ADAMTS2: variants seen among roughly 807,000 people sequenced by gnomAD.
ADAMTS2 encodes the protein A disintegrin and metalloproteinase with thrombospondin motifs 2.
A neutral mutation model predicts 123.0 loss-of-function variants in ADAMTS2; 50 were observed. The observed-to-expected ratio is 0.41, with a 90% confidence interval of 0.32 to 0.51. The LOEUF (loss-of-function observed/expected upper bound fraction) is 0.51, where lower values mean the gene tolerates loss of function less well. Ranked by LOEUF, ADAMTS2 falls within the 20% of genes least tolerant of loss-of-function variation. ADAMTS2 has a pLI of 0.35. For missense variants in ADAMTS2, 1,494 were observed against 1,705.2 expected, an observed-to-expected ratio of 0.88 and a Z score of 2.18; for synonymous variants, 678 against 695.4, an observed-to-expected ratio of 0.98 and a Z score of 0.39.
intron 4 of ADAMTS2, among the ~76,000 whole-genome samples, chr5:179,184,104 G>A (rs1166816833): frequency 2.0e-5 from 3 of 152,194 alleles, no homozygotes; most frequent in Non-Finnish European, 4.4e-5. Flanking sequence ...CAAGCGGAAT[G>A]AGACAAAGGC....
rs377372045 is a variant in ADAMTS2, at chr5:179,155,037, G to A, written c.1133-118C>T. On this transcript the variant is annotated intron_variant, in intron 6 of 21. Transcript: ENST00000251582. The surrounding 1 kb of genome is among the most constrained non-coding windows in gnomAD (Gnocchi z 5.1). ...GGCCCCAATGCCCTCTCTACCACAG[G>A]CAACTGCCCCCGGCTGGCACAGCTC... 3.0e-4 allele frequency: 269 copies of A among 885,258 alleles called. No individual in the cohort carries two copies. In the African/African-American group the frequency reaches 3.9e-3, roughly 13 times the overall value. 54.8% of individuals were successfully genotyped at this position (885,258 alleles called of 1,614,324 possible).
chr5:179,153,909 G>T, intron 8 of ADAMTS2, 140 bp downstream of exon 8: 1 of 1,248,974 alleles, frequency 8.0e-7, no homozygotes, highest in Non-Finnish European at 1.1e-6. Context: ...TCACAGGTGT[G>T]CCCTCTCTCC....
At chr5:179,322,685 C>T (rs767632964) in intron 2 of ADAMTS2, among the ~76,000 whole-genome samples, 5 of 152,212 alleles carry the variant, frequency 3.3e-5, no homozygotes, top group South Asian at 2.1e-4. Context: ...GGGCACTAGA[C>T]GAGGGCCTCG....
At chr5:179,268,471 A>G (rs1201162735) in intron 3 of ADAMTS2, among the ~76,000 whole-genome samples, 2 of 152,168 alleles carry the variant, frequency 1.3e-5, no homozygotes, top group Non-Finnish European at 2.9e-5. Context: ...TGAAACAGAG[A>G]CCACATGCTC....
intron 3 of ADAMTS2, among the ~76,000 whole-genome samples, chr5:179,229,402 C>T: frequency 2.1e-5 from 1 of 48,624 alleles, no homozygotes; most frequent in Non-Finnish European, 3.7e-5. Context: ...GCCCACTCCA[C>T]AAACACGAGA....
Position 179,313,681 on chromosome 5 carries a change from A to G in ADAMTS2, c.534+30086T>C, listed in dbSNP as rs455813. ...GGCCGGAGCAGGGGTGTCAGCAGAGAGGACGCACACGCATTCACACTCGTG... is the reference window on the plus strand; with the variant it reads ...GGCCGGAGCAGGGGTGTCAGCAGAGGGGACGCACACGCATTCACACTCGTG... On this transcript the variant is annotated intron_variant, in intron 2 of 21. Coordinates refer to ENST00000251582, the MANE Select transcript of ADAMTS2 (RefSeq NM_014244.5). Among the ~76,000 whole-genome samples, 278 of 4,702 alleles carry G rather than the reference A, an allele frequency of 0.059. 49 individuals are homozygous for G. The East Asian group carries it at 0.75, about 13-fold the overall frequency. The allele number at this position is 4,702 out of a possible 152,430, so 3.1% of individuals were successfully genotyped here. A position where few individuals can be genotyped will look rare whatever the true frequency, so the allele number is the denominator to read the frequency against.
At chr5:179,322,494 C>A (rs1203368977) in intron 2 of ADAMTS2, among the ~76,000 whole-genome samples, 1 of 152,222 alleles carries the variant, frequency 6.6e-6, no homozygotes, top group Admixed American at 6.5e-5. Context: ...AAACCCTGAG[C>A]CACGCTGGGT....
chr5:179,128,255 G>A lies in ADAMTS2; in HGVS notation c.2458-137C>T, dbSNP rs1450029311. ...CAGTTACATTCCATGAAGTCGCCCC[G>A]AGCACCAAATTCTTGAATAGGGAGC... On this transcript the variant is annotated intron_variant, in intron 16 of 21. Transcript: ENST00000251582. The surrounding 1 kb of genome is among the most constrained non-coding windows in gnomAD (Gnocchi z 4.9). 29 of 1,109,044 alleles carry A rather than the reference G, an allele frequency of 2.6e-5. No homozygotes were observed. Among genetic ancestry groups the A allele is most frequent in the African/African-American group, 4.6e-5 (3 of 64,962 alleles). 68.7% of individuals were successfully genotyped at this position (1,109,044 alleles called of 1,614,324 possible).
At position 179,316,878 on chromosome 5, in the gene ADAMTS2, T is replaced by C. The variant is rs542452284; in HGVS notation, c.534+26889A>G. Among the ~76,000 whole-genome samples the C allele has an allele frequency of 3.4e-4, 51 of 152,156 alleles. No individual in the cohort carries two copies. The South Asian group carries it at 7.1e-3, about 21-fold the overall frequency. ...GATCCCATGAACCAGGAGGTCAAGG[T>C]TGCAGGGAGCTACGATTGCACCACT... On this transcript the variant is annotated intron_variant, in intron 2 of 21. Transcript: ENST00000251582.
intron 5 of ADAMTS2, among the ~76,000 whole-genome samples, chr5:179,171,715 T>C (rs1763817450): frequency 6.6e-6 from 1 of 151,896 alleles, no homozygotes; most frequent in Admixed American, 6.5e-5. Flanking sequence ...CAGAAAAAGG[T>C]GGGCAGAGTA....
chr5:179,293,262 C>T (rs1165068066), intron 2 of ADAMTS2, among the ~76,000 whole-genome samples: 1 of 152,250 alleles, frequency 6.6e-6, no homozygotes, highest in East Asian at 1.9e-4. Context: ...AAAGAGGCAG[C>T]GGCCTGTGCC....
Position 179,129,156 on chromosome 5 carries a change from C to T in ADAMTS2, c.2457+776G>A, listed in dbSNP as rs1010834867. 1.3e-5 allele frequency among the ~76,000 whole-genome samples: 2 copies of T among 152,184 alleles called. No homozygotes were observed. Among genetic ancestry groups the T allele is most frequent in the African/African-American group, 4.8e-5 (2 of 41,434 alleles). ...GTGCCGAGGACCAGCTGCTCACACA[C>T]TGATGCAGGCAGGTCACCAAAGGCA... On this transcript the variant is annotated intron_variant, in intron 16 of 21. Coordinates refer to ENST00000251582, the MANE Select transcript of ADAMTS2 (RefSeq NM_014244.5). The surrounding 1 kb of genome is among the most constrained non-coding windows in gnomAD (Gnocchi z 4.1).
At chr5:179,313,277 C>T (rs1258583316) in intron 2 of ADAMTS2, among the ~76,000 whole-genome samples, 1,109 of 43,306 alleles carry the variant, frequency 0.026, 19 homozygotes, top group African/African-American at 0.1. Context: ...GGGACGCACA[C>T]GCATTCACAC....
intron 10 of ADAMTS2, among the ~76,000 whole-genome samples, chr5:179,142,158 T>A (rs1228602230): frequency 6.6e-6 from 1 of 152,140 alleles, no homozygotes; most frequent in Non-Finnish European, 1.5e-5. Flanking sequence ...GTGGAGGATG[T>A]TCATGTCTAA....
rs1391995999 is a variant in ADAMTS2 at position 179,242,677 on chromosome 5, G to A, written c.688+30234C>T. On this transcript the variant is annotated intron_variant, in intron 3 of 21. Transcript: ENST00000251582. The surrounding 1 kb of genome is among the most constrained non-coding windows in gnomAD (Gnocchi z 4.2). ...AGCCATCACTTGCTCTCTCTTCCCC[G>A]CTTCTAGTCCTTCCAGTTCAGCTTA... 2.6e-5 allele frequency among the ~76,000 whole-genome samples: 4 copies of A among 152,144 alleles called. No homozygotes were observed. Among genetic ancestry groups the A allele is most frequent in the South Asian group, 2.1e-4 (1 of 4,822 alleles).
rs1274480640 is a variant in ADAMTS2 at position 179,128,495 on chromosome 5, C to T, written c.2458-377G>A. 6.6e-6 allele frequency among the ~76,000 whole-genome samples: 1 copy of T among 152,126 alleles called. No homozygotes were observed. Among genetic ancestry groups the T allele is most frequent in the African/African-American group, 2.4e-5 (1 of 41,438 alleles). ...GCAACCTCCGCCTCCCAGGTTCAAG[C>T]GATTCTCCTGCCTCAGCCTCCTGAG... On this transcript the variant is annotated intron_variant, in intron 16 of 21. Transcript: ENST00000251582. This position sits in a 1 kb window ranked among gnomAD's most constrained non-coding sequence, Gnocchi z 4.9.
chr5:179,299,333 T>G (rs1430740510), intron 2 of ADAMTS2, among the ~76,000 whole-genome samples: 42 of 68,222 alleles, frequency 6.2e-4, no homozygotes, highest in East Asian at 5.4e-3. Context: ...ATGGAGACCA[T>G]CCTGGCTAAC....
At chr5:179,326,682 A>G (rs962605107) in intron 2 of ADAMTS2, among the ~76,000 whole-genome samples, 2 of 152,106 alleles carry the variant, frequency 1.3e-5, no homozygotes, top group African/African-American at 4.8e-5. Flanking sequence ...AATCCTCATC[A>G]TAACCCACCA....
At position 179,325,609 on chromosome 5, in the gene ADAMTS2, C is replaced by G. The variant is rs373175563; in HGVS notation, c.534+18158G>C. On this transcript the variant is annotated intron_variant, in intron 2 of 21. Coordinates refer to ENST00000251582, the MANE Select transcript of ADAMTS2 (RefSeq NM_014244.5). ...TAGTGATTTGCCTGAAGCATGTGAC[C>G]CAACCTGAGCCAGTGAGAACTCACC... is the stretch of plus-strand genomic sequence containing the variant. 3.3e-5 allele frequency among the ~76,000 whole-genome samples: 5 copies of G among 152,246 alleles called. No individual in the cohort carries two copies. The South Asian group carries it at 6.2e-4, about 19-fold the overall frequency.
Sources: gnomAD v4.1 joint callset for allele counts (sites outside exome capture counted in the v4.1 genomes callset) on GRCh38, gnomAD v4.1.1 for gene constraint, Gnocchi (gnomAD v3.1) non-coding constraint, MANE v1.5 for transcripts, NCBI Gene and HGNC (gene_info 2026-07-23, HGNC 2026-07-21) for gene names.